Variants in SIAH3 observed in about 807,000 individuals in gnomAD.
SIAH3 encodes the protein siah E3 ubiquitin protein ligase family member 3.
Under a neutral mutation model 12.6 loss-of-function variants are expected in SIAH3, and 9 were observed. That is an observed-to-expected ratio of 0.72 (90% CI 0.43 to 1.25). SIAH3 has a LOEUF of 1.25. Ranked by LOEUF, SIAH3 falls within the 50% of genes most tolerant of loss-of-function variation. The pLI is 0.00. For missense variants in SIAH3, 390 were observed against 365.4 expected, an observed-to-expected ratio of 1.07 and a Z score of -0.55; for synonymous variants, 154 against 151.1, an observed-to-expected ratio of 1.02 and a Z score of -0.14.
chr13:45,786,946 C>A (rs1950529984), intron 1 of SIAH3, among the ~76,000 whole-genome samples: 1 of 152,154 alleles, frequency 6.6e-6, no homozygotes, highest in Non-Finnish European at 1.5e-5. Flanking sequence ...TCCCCAGATC[C>A]ATTTTCCATC....
At chr13:45,820,688 C>T (rs1016993685) in intron 1 of SIAH3, among the ~76,000 whole-genome samples, 2 of 152,112 alleles carry the variant, frequency 1.3e-5, no homozygotes, top group Admixed American at 6.5e-5. Flanking sequence ...AATCCCCTCC[C>T]GGAGCAAACA....
At chr13:45,830,231 A>G (rs567244649) in intron 1 of SIAH3, among the ~76,000 whole-genome samples, 2 of 152,238 alleles carry the variant, frequency 1.3e-5, no homozygotes, top group Admixed American at 1.3e-4. Flanking sequence ...TACCTGATGT[A>G]TGTGGCCACC....
Position 45,783,832 on chromosome 13 carries a change from C to G in SIAH3, c.361G>C (p.Glu121Gln). 1 of 1,614,142 alleles carries G rather than the reference C, an allele frequency of 6.2e-7. No individual in the cohort carries two copies. Among genetic ancestry groups the G allele is most frequent in the Non-Finnish European group, 8.5e-7 (1 of 1,179,994 alleles). Residue 121 changes from glutamate to glutamine, a missense_variant, in exon 2 of 2, where the codon GAG becomes CAG. Coordinates refer to ENST00000400405, the MANE Select transcript of SIAH3 (RefSeq NM_198849.3). ...TGCCGCAGGTGGGGCACCACCACCT[C>G]CAGGCGGCCTTCCCACTGGCAGGAG... ...LFSCQWEGRL[E>Q]VVVPHLRQIH...
intron 1 of SIAH3, among the ~76,000 whole-genome samples, chr13:45,840,858 A>C (rs532758184): frequency 6.6e-6 from 1 of 152,344 alleles, no homozygotes; most frequent in South Asian, 2.1e-4. Context: ...TTTAATTTTT[A>C]AAAAAGGTTC....
chr13:45,847,048 C>T (rs1342185518), intron 1 of SIAH3, among the ~76,000 whole-genome samples: 2 of 152,224 alleles, frequency 1.3e-5, no homozygotes. Flanking sequence ...TTGGGGTCCC[C>T]TTCCTTACCC....
At chr13:45,796,867 G>A (rs1456996201) in intron 1 of SIAH3, among the ~76,000 whole-genome samples, 1 of 152,148 alleles carries the variant, frequency 6.6e-6, no homozygotes. Context: ...GCGAGGTGGG[G>A]GCAGGTGTTT....
chr13:45,804,806 A>G (rs1468699136), intron 1 of SIAH3, among the ~76,000 whole-genome samples: 1 of 152,138 alleles, frequency 6.6e-6, no homozygotes, highest in Non-Finnish European at 1.5e-5. Flanking sequence ...ATGATTCTAT[A>G]CCTAGAAAAC....
chr13:45,836,621 G>A (rs1045078854), intron 1 of SIAH3, among the ~76,000 whole-genome samples: 2 of 152,306 alleles, frequency 1.3e-5, no homozygotes, highest in South Asian at 2.1e-4. Flanking sequence ...GGGCACCTGT[G>A]AGGGGATGGG....
intron 1 of SIAH3, among the ~76,000 whole-genome samples, chr13:45,808,926 T>A (rs1055678444): frequency 1.3e-5 from 2 of 152,228 alleles, no homozygotes; most frequent in Non-Finnish European, 2.9e-5. Flanking sequence ...CCATTTCGCA[T>A]CTGATAAGGC....
At chr13:45,829,727 T>C (rs1434664053) in intron 1 of SIAH3, among the ~76,000 whole-genome samples, 1 of 152,202 alleles carries the variant, frequency 6.6e-6, no homozygotes, top group Non-Finnish European at 1.5e-5. Flanking sequence ...ATCAATTAGT[T>C]TGAGGCAAAA....
rs567748973 is a variant in SIAH3, at chr13:45,798,884, G to A, written c.136-14827C>T. Among the ~76,000 whole-genome samples, 3 of 152,332 alleles carry A rather than the reference G, an allele frequency of 2.0e-5. No individual in the cohort carries two copies. The South Asian group carries it at 6.2e-4, about 32-fold the overall frequency. On this transcript the variant is annotated intron_variant, in intron 1 of 1. Coordinates refer to ENST00000400405, the MANE Select transcript of SIAH3 (RefSeq NM_198849.3). ...CTTCTTCCATGATTCTAATATTGGT[G>A]ACTAATTCTTCTGGAAAACAAATTG...
intron 1 of SIAH3, among the ~76,000 whole-genome samples, chr13:45,785,393 C>A (rs1262063426): frequency 6.6e-6 from 1 of 152,230 alleles, no homozygotes; most frequent in Non-Finnish European, 1.5e-5. Context: ...TGCTTCAGTT[C>A]ATTCCCAAAG....
chr13:45,798,831 A>T (rs2147984), intron 1 of SIAH3, among the ~76,000 whole-genome samples: 60,643 of 152,130 alleles, frequency 0.4, 13,020 homozygotes, highest in African/African-American at 0.53. Flanking sequence ...GTTTATCTTT[A>T]AACTGGTCCA....
intron 1 of SIAH3, among the ~76,000 whole-genome samples, chr13:45,788,690 C>T (rs1028386705): frequency 3.3e-5 from 5 of 152,206 alleles, no homozygotes; most frequent in South Asian, 2.1e-4. Context: ...TCTGGAAATA[C>T]TACATGACCC....
chr13:45,847,622 CGTGTGTGTGTGTGT>C (rs112078778), intron 1 of SIAH3, among the ~76,000 whole-genome samples: 1 of 146,836 alleles, frequency 6.8e-6, no homozygotes, highest in Non-Finnish European at 1.5e-5. Flanking sequence ...TCCATGTGTT[CGTGTGTGTGTGTGT>C]GTGTGTGTGT....
At chr13:45,818,853 C>T (rs1044873654) in intron 1 of SIAH3, among the ~76,000 whole-genome samples, 1 of 152,220 alleles carries the variant, frequency 6.6e-6, no homozygotes, top group African/African-American at 2.4e-5. Context: ...AGGAGGTGGA[C>T]AGCGGTGGGG....
intron 1 of SIAH3, among the ~76,000 whole-genome samples, chr13:45,808,878 T>C (rs1291695231): frequency 1.3e-5 from 2 of 152,240 alleles, no homozygotes; most frequent in Admixed American, 6.5e-5. Context: ...TTATATCTAT[T>C]GCACATCTCA....
intron 1 of SIAH3, among the ~76,000 whole-genome samples, chr13:45,813,675 C>A (rs1474842769): frequency 6.6e-6 from 1 of 152,176 alleles, no homozygotes; most frequent in African/African-American, 2.4e-5. Context: ...GCGAGGAAGT[C>A]CAACATCAAG....
chr13:45,823,427 A>G (rs551275855), intron 1 of SIAH3, among the ~76,000 whole-genome samples: 1 of 152,146 alleles, frequency 6.6e-6, no homozygotes, highest in African/African-American at 2.4e-5. Flanking sequence ...AGTCTGCCCT[A>G]TTTTCCCAGG....
Sources: allele counts gnomAD v4.1 joint callset (sites outside exome capture counted in the v4.1 genomes callset), GRCh38; gene constraint gnomAD v4.1.1; transcripts MANE v1.5; gene names NCBI Gene and HGNC (gene_info 2026-07-23, HGNC 2026-07-21).